Variants in WIF1 observed in about 807,000 individuals in gnomAD.
The protein encoded by WIF1 is Wnt inhibitory factor 1.
WIF1 carries 35 observed loss-of-function variants against 53.5 expected under a neutral mutation model. That is an observed-to-expected ratio of 0.65 (90% CI 0.50 to 0.87). The LOEUF is 0.87. Among genes scored for constraint, WIF1 ranks in the 40% least tolerant of loss-of-function variants. The pLI is 0.00. For missense variants in WIF1, 467 were observed against 476.8 expected (o/e 0.98, Z 0.19); for synonymous variants, 171 against 170.4 (o/e 1.00, Z -0.03).
chr12:65,074,572 C>A (rs759383168), intron 3 of WIF1, among the ~76,000 whole-genome samples: 5 of 151,888 alleles, frequency 3.3e-5, no homozygotes, highest in Non-Finnish European at 7.4e-5. Context: ...AATCCCAACA[C>A]TTTGGGAGGC....
At chr12:65,104,564 G>T (rs1427372261) in intron 2 of WIF1, among the ~76,000 whole-genome samples, 4 of 152,160 alleles carry the variant, frequency 2.6e-5, no homozygotes, top group Non-Finnish European at 5.9e-5. Context: ...TGCCACTTTT[G>T]TAAAGTGAGA....
At chr12:65,106,593 G>A (rs557139356) in intron 2 of WIF1, among the ~76,000 whole-genome samples, 9 of 152,056 alleles carry the variant, frequency 5.9e-5, no homozygotes, top group African/African-American at 1.4e-4. Flanking sequence ...TGATCCACCT[G>A]CCTCAGCCTC....
At position 65,097,729 on chromosome 12, in the gene WIF1, C is replaced by T. The variant is rs540979414; in HGVS notation, c.289-19875G>A. Among the ~76,000 whole-genome samples the T allele has an allele frequency of 1.2e-3, 178 of 152,304 alleles. 2 individuals are homozygous for T. Among genetic ancestry groups the T allele is most frequent in the African/African-American group, 4.2e-3 (174 of 41,568 alleles). On this transcript the variant is annotated intron_variant, in intron 2 of 9. Transcript: ENST00000286574. ...CTCAACATTTATTTCTAAATTATCT[C>T]CTGACCAGAGAGTGAATCTTTCCAC...
intron 2 of WIF1, among the ~76,000 whole-genome samples, chr12:65,083,451 T>A (rs1048598045): frequency 5.9e-5 from 9 of 152,198 alleles, no homozygotes; most frequent in Non-Finnish European, 1.3e-4. Flanking sequence ...TTGGACTCTG[T>A]GACACTCTTC....
At chr12:65,112,449 C>CACACACAG (rs891723914) in intron 2 of WIF1, among the ~76,000 whole-genome samples, 23 of 150,010 alleles carry the variant, frequency 1.5e-4, no homozygotes, top group Non-Finnish European at 3.2e-4. Flanking sequence ...CACACACACA[C>CACACACAG]ACCATCCTGG....
intron 2 of WIF1, among the ~76,000 whole-genome samples, chr12:65,117,428 G>T (rs1883529372): frequency 6.6e-6 from 1 of 152,128 alleles, no homozygotes; most frequent in African/African-American, 2.4e-5. Flanking sequence ...GTTTGAAGTG[G>T]AACACGAGAT....
chr12:65,110,586 C>T (rs1218960670), intron 2 of WIF1, among the ~76,000 whole-genome samples: 1 of 152,212 alleles, frequency 6.6e-6, no homozygotes, highest in East Asian at 1.9e-4. Context: ...GTTTAAATCC[C>T]AGCTCTGACA....
chr12:65,051,764 C>G (rs1882445617), intron 9 of WIF1, among the ~76,000 whole-genome samples: 2 of 152,142 alleles, frequency 1.3e-5, no homozygotes, highest in South Asian at 4.1e-4. Context: ...AGTCTCCATC[C>G]AAGGGCTGGT....
chr12:65,063,564 T>C (rs1882644869), intron 6 of WIF1, among the ~76,000 whole-genome samples: 1 of 152,156 alleles, frequency 6.6e-6, no homozygotes, highest in South Asian at 2.1e-4. Flanking sequence ...GTATGCTTTC[T>C]TTGTGGGAAA....
At chr12:65,111,576 A>T (rs547381898) in intron 2 of WIF1, among the ~76,000 whole-genome samples, 10 of 152,276 alleles carry the variant, frequency 6.6e-5, no homozygotes, top group African/African-American at 2.4e-4. Flanking sequence ...GGCTAACTCA[A>T]TAGTGAGACT....
At chr12:65,090,453 G>C (rs929542702) in intron 2 of WIF1, among the ~76,000 whole-genome samples, 1 of 152,166 alleles carries the variant, frequency 6.6e-6, no homozygotes, top group Non-Finnish European at 1.5e-5. Context: ...GAGCTTGCAG[G>C]CTGGAAGGGA....
At chr12:65,053,223 A>T (rs1882468803) in intron 9 of WIF1, among the ~76,000 whole-genome samples, 1 of 152,208 alleles carries the variant, frequency 6.6e-6, no homozygotes, top group Non-Finnish European at 1.5e-5. Flanking sequence ...GAGGAGCGGC[A>T]CTGCTTATTA....
At chr12:65,100,822 A>T (rs990322800) in intron 2 of WIF1, among the ~76,000 whole-genome samples, 5 of 152,100 alleles carry the variant, frequency 3.3e-5, no homozygotes, top group Non-Finnish European at 7.4e-5. Context: ...GGAGTTCAAG[A>T]CTAGCCTGGG....
intron 1 of WIF1, chr12:65,120,832 TAAC>T: frequency 1.1e-6 from 1 of 928,894 alleles, no homozygotes; most frequent in Non-Finnish European, 1.5e-6. Context: ...CTATAAAAAT[TAAC>T]AACAGCATGA....
At chr12:65,119,718 G>A (rs1883571700) in intron 2 of WIF1, among the ~76,000 whole-genome samples, 1 of 152,086 alleles carries the variant, frequency 6.6e-6, no homozygotes, top group Non-Finnish European at 1.5e-5. Context: ...ATTTACATAA[G>A]CATTTTATTC....
chr12:65,109,253 G>C (rs1257570791), intron 2 of WIF1, among the ~76,000 whole-genome samples: 2 of 152,130 alleles, frequency 1.3e-5, no homozygotes, highest in African/African-American at 4.8e-5. Flanking sequence ...TTACCTCCTT[G>C]GTGATGTCTT....
chr12:65,050,672 A>T lies in WIF1; in HGVS notation c.*677T>A. 5.5e-6 allele frequency: 1 copy of T among 181,012 alleles called. No homozygotes were observed. The highest frequency in any genetic ancestry group is 9.1e-5 in the East Asian group (1 of 10,936). 11.2% of individuals were successfully genotyped at this position (181,012 alleles called of 1,614,324 possible). On this transcript the variant is annotated 3_prime_UTR_variant, in exon 10 of 10. Coordinates refer to ENST00000286574, the MANE Select transcript of WIF1 (RefSeq NM_007191.5). Reference sequence around the variant, plus strand: ...TTTATTTTATACATACAAACAGTATAAAATGTTTATTAGGTAAGAGCTGTG... The same window carrying T: ...TTTATTTTATACATACAAACAGTATTAAATGTTTATTAGGTAAGAGCTGTG...
At chr12:65,072,753 CTT>C (rs1264116805) in intron 3 of WIF1, among the ~76,000 whole-genome samples, 1 of 152,104 alleles carries the variant, frequency 6.6e-6, no homozygotes, top group Admixed American at 6.6e-5. Flanking sequence ...AGCAGAGACT[CTT>C]TGCTTCCAAG....
chr12:65,050,849 A>C lies in WIF1; in HGVS notation c.*500T>G, dbSNP rs1882429072. ...TTTTTAATACTGAATCTCTGGAATA[A>C]TGGTAAGGTCAAAATATATTGTATT... On this transcript the variant is annotated 3_prime_UTR_variant, in exon 10 of 10. Transcript: ENST00000286574. The C allele has an allele frequency of 4.8e-6, 1 of 208,112 alleles. No homozygotes were observed. The highest frequency in any genetic ancestry group is 9.8e-6 in the Non-Finnish European group (1 of 102,396). 12.9% of individuals were successfully genotyped at this position (208,112 alleles called of 1,614,324 possible).
Sources: gnomAD v4.1 joint callset for allele counts (sites outside exome capture counted in the v4.1 genomes callset) on GRCh38, gnomAD v4.1.1 for gene constraint, MANE v1.5 for transcripts, NCBI Gene and HGNC (gene_info 2026-07-23, HGNC 2026-07-21) for gene names.